The following KIAA0825 variants were observed in gnomAD, a reference collection of about 807,000 sequenced individuals.
KIAA0825 encodes KIAA0825.
KIAA0825 carries 119 observed loss-of-function variants against 147.6 expected under a neutral mutation model. The observed-to-expected ratio is 0.81, with a 90% confidence interval of 0.69 to 0.94. The LOEUF (loss-of-function observed/expected upper bound fraction) is 0.94, where lower values mean the gene tolerates loss of function less well. Ranked by LOEUF, KIAA0825 falls within the 40% of genes least tolerant of loss-of-function variation. The pLI is 0.00. For synonymous variants in KIAA0825, 470 were observed against 518.1 expected, an observed-to-expected ratio of 0.91 and a Z score of 1.26; for missense variants, 1,381 against 1,472.7, an observed-to-expected ratio of 0.94 and a Z score of 1.02.
chr5:94,422,350 C>T (rs947979440), intron 14 of KIAA0825, among the ~76,000 whole-genome samples: 4 of 152,108 alleles, frequency 2.6e-5, no homozygotes, highest in African/African-American at 7.2e-5. Context: ...AAATTCCCCC[C>T]AGTTTATGGC....
In KIAA0825 at chr5:94,272,106, C is replaced by CAA. The variant is rs70975898; in HGVS notation, c.3710+112260_3710+112261dup. 1.7e-4 allele frequency among the ~76,000 whole-genome samples: 11 copies of CAA among 66,630 alleles called. 1 individual carries two copies. The highest frequency in any genetic ancestry group is 1.2e-4 in the African/African-American group (2 of 16,924). 43.7% of individuals were successfully genotyped at this position (66,630 alleles called of 152,430 possible). A position where few individuals can be genotyped will look rare whatever the true frequency, so the allele number is the denominator to read the frequency against. ...GCATCTTCTCACTTATTTGTAGGAG[C>CAA]AAAAAAAAAAAAAAAAAAAAAAAAA... is the stretch of plus-strand genomic sequence containing the variant. On this transcript the variant is annotated intron_variant, in intron 20 of 20. Transcript: ENST00000682413.
At chr5:94,478,212 G>C (rs897637143) in intron 6 of KIAA0825, among the ~76,000 whole-genome samples, 1 of 152,134 alleles carries the variant, frequency 6.6e-6, no homozygotes, top group Admixed American at 6.6e-5. Context: ...TTGTTCTGAT[G>C]TTAATTTCAA....
chr5:94,591,885 C>T (rs752058946), intron 1 of KIAA0825, among the ~76,000 whole-genome samples: 2 of 152,152 alleles, frequency 1.3e-5, no homozygotes, highest in African/African-American at 2.4e-5. Flanking sequence ...AAGGAACTCC[C>T]ATTTATAAAA....
chr5:94,345,721 T>C (rs886972256), intron 20 of KIAA0825, among the ~76,000 whole-genome samples: 12 of 152,128 alleles, frequency 7.9e-5, no homozygotes, highest in Admixed American at 7.9e-4. Flanking sequence ...TCTGCTATTG[T>C]AGCAGGACAA....
chr5:94,603,988 A>T (rs928053536), intron 1 of KIAA0825, among the ~76,000 whole-genome samples: 6 of 152,222 alleles, frequency 3.9e-5, no homozygotes, highest in Admixed American at 2.6e-4. Context: ...GAGAGACTTT[A>T]ATACCCCATT....
At chr5:94,371,808 A>G (rs1242143005) in intron 20 of KIAA0825, among the ~76,000 whole-genome samples, 1 of 152,154 alleles carries the variant, frequency 6.6e-6, no homozygotes, top group Non-Finnish European at 1.5e-5. Context: ...CCAACAGTCC[A>G]TTAAAGTCTT....
chr5:94,285,443 A>G (rs1562349607), intron 20 of KIAA0825, among the ~76,000 whole-genome samples: 1 of 152,032 alleles, frequency 6.6e-6, no homozygotes, highest in African/African-American at 2.4e-5. Flanking sequence ...TTCTCATTTT[A>G]TTTGATATAC....
At chr5:94,561,385 G>A (rs576151572) in intron 2 of KIAA0825, among the ~76,000 whole-genome samples, 1 of 152,232 alleles carries the variant, frequency 6.6e-6, no homozygotes, top group East Asian at 1.9e-4. Flanking sequence ...TGAGTTCCGT[G>A]CATCATTCTA....
At chr5:94,444,394 A>G (rs559328822) in intron 13 of KIAA0825, among the ~76,000 whole-genome samples, 220 of 152,276 alleles carry the variant, frequency 1.4e-3, no homozygotes, top group African/African-American at 4.6e-3. Flanking sequence ...TGGGCTTGCT[A>G]CTGCATAAAG....
intron 18 of KIAA0825, 39 bp from the exon 19 acceptor site, chr5:94,386,443 G>A: frequency 6.7e-7 from 1 of 1,489,244 alleles, no homozygotes; most frequent in Non-Finnish European, 9.1e-7. Context: ...ACGGTGAGAA[G>A]CAGACATTCT....
intron 20 of KIAA0825, among the ~76,000 whole-genome samples, chr5:94,364,236 G>T (rs1745483557): frequency 6.6e-6 from 1 of 151,948 alleles, no homozygotes; most frequent in Non-Finnish European, 1.5e-5. Context: ...ACTGGAGAGG[G>T]GCTTGGGATG....
Position 94,460,624 on chromosome 5 carries a change from T to G in KIAA0825, c.2246+1763A>C, listed in dbSNP as rs183406467. On this transcript the variant is annotated intron_variant, in intron 12 of 20. Transcript: ENST00000682413. The stretch of plus-strand genomic sequence containing the variant: ...TGTGGTTTAATTTTTTAATGTGAGA[T>G]TCACAATTTTTTTAATATGCTAATA... Among the ~76,000 whole-genome samples, 186 of 152,208 alleles carry G rather than the reference T, an allele frequency of 1.2e-3. 1 individual carries two copies. The highest frequency in any genetic ancestry group is 0.01 in the Admixed American group (160 of 15,278).
chr5:94,165,337 T>C (rs1414388508), intron 20 of KIAA0825, among the ~76,000 whole-genome samples: 9 of 152,162 alleles, frequency 5.9e-5, no homozygotes, highest in Non-Finnish European at 8.8e-5. Flanking sequence ...AAATGGCTTA[T>C]ATCCCAAAGA....
intron 17 of KIAA0825, among the ~76,000 whole-genome samples, chr5:94,393,909 C>T (rs763164093): frequency 1.7e-4 from 25 of 149,874 alleles, no homozygotes; most frequent in Non-Finnish European, 3.0e-4. Context: ...AGTGCAATGG[C>T]GCAATCTCGG....
intron 3 of KIAA0825, among the ~76,000 whole-genome samples, chr5:94,535,378 C>G (rs553454622): frequency 1.3e-5 from 2 of 150,036 alleles, no homozygotes; most frequent in African/African-American, 4.9e-5. Context: ...CGTGTGGCGG[C>G]GGGCACCTGT....
chr5:94,618,106 A>T (rs1227911259), intron 1 of KIAA0825: 1 of 152,318 alleles, frequency 6.6e-6, no homozygotes, highest in Admixed American at 6.5e-5. Context: ...CCTGCCTTCC[A>T]GGCACGGCAC....
intron 13 of KIAA0825, among the ~76,000 whole-genome samples, chr5:94,445,689 T>C (rs1201313026): frequency 6.6e-6 from 1 of 152,214 alleles, no homozygotes; most frequent in Non-Finnish European, 1.5e-5. Flanking sequence ...TTCTGAATTA[T>C]GTAATATATT....
At chr5:94,262,797 T>C (rs1428140185) in intron 20 of KIAA0825, among the ~76,000 whole-genome samples, 1 of 152,070 alleles carries the variant, frequency 6.6e-6, no homozygotes, top group Non-Finnish European at 1.5e-5. Context: ...ATGAAGGGCT[T>C]TCTAAGTGAG....
intron 20 of KIAA0825, among the ~76,000 whole-genome samples, chr5:94,330,293 G>A (rs1318828784): frequency 6.6e-6 from 1 of 152,062 alleles, no homozygotes; most frequent in Non-Finnish European, 1.5e-5. Context: ...CATTTCAAGT[G>A]CACATATAAC....
Sources: gnomAD v4.1 joint callset for allele counts (sites outside exome capture counted in the v4.1 genomes callset) on GRCh38, gnomAD v4.1.1 for gene constraint, MANE v1.5 for transcripts, NCBI Gene and HGNC (gene_info 2026-07-23, HGNC 2026-07-21) for gene names.